RBFOX1: variants seen among roughly 807,000 people sequenced by gnomAD.
RBFOX1 encodes the protein RNA binding fox-1 homolog 1.
RBFOX1 carries 8 observed loss-of-function variants against 57.7 expected under a neutral mutation model. The ratio of observed to expected loss-of-function variants is 0.14; its 90% confidence interval spans 0.08 to 0.25. The LOEUF is 0.25. RBFOX1 is among the 10% of genes least tolerant of loss of function. The probability of loss-of-function intolerance (pLI) is 1.00; values close to 1 mark genes in which losing one functional copy is unlikely to be tolerated. For missense variants in RBFOX1, 611 were observed against 548.5 expected (o/e 1.11, Z -1.14); for synonymous variants, 326 against 222.4 (o/e 1.47, Z -4.15).
intron 3 of RBFOX1, among the ~76,000 whole-genome samples, chr16:5,807,603 A>T (rs1400144363): frequency 6.6e-6 from 1 of 152,228 alleles, no homozygotes; most frequent in Non-Finnish European, 1.5e-5. Context: ...AAGTGTATAA[A>T]TAGGGATGAA....
intron 4 of RBFOX1, among the ~76,000 whole-genome samples, chr16:7,361,522 G>C (rs939301790): frequency 6.6e-6 from 1 of 152,172 alleles, no homozygotes; most frequent in African/African-American, 2.4e-5. Flanking sequence ...ATCCAGGTTA[G>C]ACCAGGTGAG....
intron 3 of RBFOX1, among the ~76,000 whole-genome samples, chr16:6,778,746 A>G (rs531475370): frequency 1.3e-5 from 2 of 152,216 alleles, no homozygotes; most frequent in South Asian, 2.1e-4. Context: ...TTTGTGAAAA[A>G]TATGATTGTG....
chr16:7,438,257 C>G (rs375543777), intron 4 of RBFOX1, among the ~76,000 whole-genome samples: 4 of 151,982 alleles, frequency 2.6e-5, no homozygotes, highest in South Asian at 2.1e-4. Context: ...GATGCTGATG[C>G]GAGAAACACC....
At chr16:6,285,060 A>T (rs1416346077) in intron 1 of RBFOX1, among the ~76,000 whole-genome samples, 1 of 152,148 alleles carries the variant, frequency 6.6e-6, no homozygotes, top group Non-Finnish European at 1.5e-5. Flanking sequence ...AATCGCAGGA[A>T]TGTTGATTTC....
intron 2 of RBFOX1, among the ~76,000 whole-genome samples, chr16:5,471,553 G>A (rs1439956362): frequency 6.6e-6 from 1 of 152,106 alleles, no homozygotes; most frequent in Non-Finnish European, 1.5e-5. Flanking sequence ...AAGGTGGCAT[G>A]GGCATGTAGG....
chr16:6,554,723 C>G (rs955006101), intron 2 of RBFOX1, among the ~76,000 whole-genome samples: 13 of 34,596 alleles, frequency 3.8e-4, no homozygotes, highest in African/African-American at 9.6e-4. Flanking sequence ...CCAGTAGACA[C>G]AGACACACAC....
At chr16:5,359,806 C>T (rs1232534046) in intron 1 of RBFOX1, among the ~76,000 whole-genome samples, 2 of 152,160 alleles carry the variant, frequency 1.3e-5, no homozygotes, top group East Asian at 3.9e-4. Flanking sequence ...CATAGTTTAG[C>T]ATTTAACAGG....
chr16:6,383,570 C>T (rs1046492437), intron 2 of RBFOX1, among the ~76,000 whole-genome samples: 2 of 151,976 alleles, frequency 1.3e-5, no homozygotes, highest in African/African-American at 2.4e-5. Flanking sequence ...GTCAGGAGTT[C>T]GAGACTGGCC....
At chr16:6,500,226 C>G (rs1323400808) in intron 2 of RBFOX1, among the ~76,000 whole-genome samples, 1 of 152,030 alleles carries the variant, frequency 6.6e-6, no homozygotes, top group Admixed American at 6.6e-5. Flanking sequence ...CTATTTTTTC[C>G]TAATTGGCAA....
chr16:6,761,690 A>G (rs1381126165), intron 3 of RBFOX1, among the ~76,000 whole-genome samples: 1 of 151,574 alleles, frequency 6.6e-6, no homozygotes, highest in Non-Finnish European at 1.5e-5. Flanking sequence ...TATTTTTAGT[A>G]GAGACGAGGT....
intron 2 of RBFOX1, among the ~76,000 whole-genome samples, chr16:5,552,452 T>C (rs2045502705): frequency 2.0e-5 from 3 of 152,220 alleles, no homozygotes. Context: ...CGGGATGTTT[T>C]AGTCCATGTT....
At chr16:5,870,227 C>T (rs150143462) in intron 4 of RBFOX1, among the ~76,000 whole-genome samples, 413 of 150,980 alleles carry the variant, frequency 2.7e-3, no homozygotes, top group African/African-American at 9.5e-3. Context: ...CTCTGGGAGG[C>T]GTTGGCTGGG....
At chr16:5,547,084 A>G (rs2045240150) in intron 2 of RBFOX1, among the ~76,000 whole-genome samples, 1 of 152,230 alleles carries the variant, frequency 6.6e-6, no homozygotes, top group Non-Finnish European at 1.5e-5. Flanking sequence ...GACTGAAAGT[A>G]GAAAGACTGA....
chr16:7,142,559 C>T (rs1462818977), intron 4 of RBFOX1, among the ~76,000 whole-genome samples: 4 of 152,204 alleles, frequency 2.6e-5, no homozygotes, highest in Non-Finnish European at 5.9e-5. Context: ...CTTTCTTAGC[C>T]ATTGGGCTGT....
rs111959126 is a variant in RBFOX1 at position 6,988,731 on chromosome 16, A to ATTTTTTT, written c.-15-63321_-15-63315dup. On this transcript the variant is annotated intron_variant, in intron 3 of 15. Coordinates refer to ENST00000550418, the MANE Select transcript of RBFOX1 (RefSeq NM_018723.4). ...AGGTGTGTGACATCACACCCAGCTA[A>ATTTTTTT]TTTTTTTTTTTGTTTGTTTGTTTTT... Among the ~76,000 whole-genome samples, 12 of 91,308 alleles carry ATTTTTTT rather than the reference A, an allele frequency of 1.3e-4. 1 individual carries two copies. The highest frequency in any genetic ancestry group is 4.4e-4 in the South Asian group (1 of 2,292). The allele number at this position is 91,308 out of a possible 152,430, so 59.9% of individuals were successfully genotyped here. A position where few individuals can be genotyped will look rare whatever the true frequency, so the allele number is the denominator to read the frequency against.
chr16:6,052,510 C>T (rs569560430), intron 1 of RBFOX1, among the ~76,000 whole-genome samples: 4 of 152,110 alleles, frequency 2.6e-5, no homozygotes, highest in South Asian at 4.2e-4. Flanking sequence ...CTAGGCCGGG[C>T]GCGGTGGCTC....
chr16:7,403,571 C>G (rs985729617), intron 4 of RBFOX1, among the ~76,000 whole-genome samples: 5 of 146,976 alleles, frequency 3.4e-5, no homozygotes, highest in African/African-American at 5.0e-5. Context: ...ATCCCCCCCC[C>G]CCCACTTTTT....
intron 2 of RBFOX1, among the ~76,000 whole-genome samples, chr16:5,494,607 C>T (rs997446484): frequency 1.3e-5 from 2 of 152,182 alleles, no homozygotes; most frequent in Non-Finnish European, 2.9e-5. Context: ...CTTCTGGAGG[C>T]AGGTGTTCCT....
Position 6,876,988 on chromosome 16 carries a change from C to T in RBFOX1, c.-15-175069C>T, listed in dbSNP as rs1255322281. On this transcript the variant is annotated intron_variant, in intron 3 of 15. Coordinates refer to ENST00000550418, the MANE Select transcript of RBFOX1 (RefSeq NM_018723.4). ...TTGTAGAATAATGAATATAGTTTTCCAGTGGAGCAACAAATGCATACTATA... is the reference window on the plus strand; with the variant it reads ...TTGTAGAATAATGAATATAGTTTTCTAGTGGAGCAACAAATGCATACTATA... Among the ~76,000 whole-genome samples, 2 of 152,040 alleles carry T rather than the reference C, an allele frequency of 1.3e-5. 1 individual carries two copies. Among genetic ancestry groups the T allele is most frequent in the Non-Finnish European group, 2.9e-5 (2 of 68,008 alleles).
Sources: gnomAD v4.1 joint callset for allele counts (sites outside exome capture counted in the v4.1 genomes callset) on GRCh38, gnomAD v4.1.1 for gene constraint, MANE v1.5 for transcripts, NCBI Gene and HGNC (gene_info 2026-07-23, HGNC 2026-07-21) for gene names.